The following SPAG16 variants were observed in gnomAD, a reference collection of about 807,000 sequenced individuals.
The protein encoded by SPAG16 is sperm-associated antigen 16 protein.
In SPAG16, 86 loss-of-function variants were observed where a neutral mutation model predicts 80.4. The ratio of observed to expected loss-of-function variants is 1.07; its 90% confidence interval spans 0.90 to 1.28. The LOEUF is 1.28. Ranked by LOEUF, SPAG16 falls within the 50% of genes most tolerant of loss-of-function variation. The pLI, the probability that SPAG16 is intolerant of heterozygous loss-of-function variation, is 0.00. For synonymous variants in SPAG16, 294 were observed against 265.9 expected (o/e 1.11, Z -1.03); for missense variants, 870 against 765.3 (o/e 1.14, Z -1.61).
chr2:213,299,271 T>TCGCAA (rs2062626549), intron 3 of SPAG16, among the ~76,000 whole-genome samples: 12 of 152,076 alleles, frequency 7.9e-5, no homozygotes, highest in Admixed American at 7.9e-4. Context: ...TATTGAATAG[T>TCGCAA]TGACATTTAA....
At chr2:213,860,862 G>A (rs2075425019) in intron 10 of SPAG16, among the ~76,000 whole-genome samples, 1 of 152,130 alleles carries the variant, frequency 6.6e-6, no homozygotes, top group Non-Finnish European at 1.5e-5. Flanking sequence ...AAAGCTGTGA[G>A]CCAACATACA....
Position 214,302,571 on chromosome 2 carries a change from C to T in SPAG16, c.1721-107569C>T, listed in dbSNP as rs1387995659. Among the ~76,000 whole-genome samples the T allele has an allele frequency of 2.0e-5, 3 of 152,180 alleles. No individual in the cohort carries two copies. The East Asian group carries it at 5.8e-4, about 29-fold the overall frequency. ...TCTCAGCTCACTACAACCTCTGCCT[C>T]CTGGGTTCAAGCGATTCTCCTGCCT... On this transcript the variant is annotated intron_variant, in intron 15 of 15. Coordinates refer to ENST00000331683, the MANE Select transcript of SPAG16 (RefSeq NM_024532.5).
chr2:214,018,073 G>T (rs188205283), intron 13 of SPAG16, among the ~76,000 whole-genome samples: 181 of 151,784 alleles, frequency 1.2e-3, no homozygotes, highest in African/African-American at 4.3e-3. Flanking sequence ...TAAAAAACTG[G>T]CATATAATGC....
intron 10 of SPAG16, among the ~76,000 whole-genome samples, chr2:213,563,523 C>A (rs1057377790): frequency 6.6e-6 from 1 of 152,224 alleles, no homozygotes; most frequent in African/African-American, 2.4e-5. Flanking sequence ...TTACTGCCTT[C>A]TTTCTGGGCT....
chr2:213,995,890 T>A (rs2046492369), intron 12 of SPAG16, among the ~76,000 whole-genome samples: 1 of 152,198 alleles, frequency 6.6e-6, no homozygotes, highest in South Asian at 2.1e-4. Flanking sequence ...TGATACTAAA[T>A]TCTTTCCTTC....
intron 10 of SPAG16, among the ~76,000 whole-genome samples, chr2:213,767,638 AAAG>A (rs1276093165): frequency 4.8e-5 from 7 of 144,534 alleles, no homozygotes; most frequent in Non-Finnish European, 9.0e-5. Flanking sequence ...TTTGAAAAAA[AAAG>A]AGAACAACAT....
rs549286873 is a variant in SPAG16 at position 213,901,267 on chromosome 2, AAAG to A, written c.1215-28689_1215-28687del. On this transcript the variant is annotated intron_variant, in intron 11 of 15. Transcript: ENST00000331683. ...GCCTAAGTATCGTAGCAGCCTACAA[AAAG>A]AAGGAGGCTTAGTCAGCTATGTGAT... Among the ~76,000 whole-genome samples the A allele has an allele frequency of 6.6e-5, 10 of 152,298 alleles. No homozygotes were observed. The South Asian group carries it at 2.1e-3, about 32-fold the overall frequency.
intron 10 of SPAG16, among the ~76,000 whole-genome samples, chr2:213,590,740 G>A (rs138332380): frequency 0.014 from 2,134 of 152,258 alleles, 20 homozygotes; most frequent in Non-Finnish European, 0.022. Flanking sequence ...AAGCAGTTTG[G>A]AGATTTCTCA....
intron 9 of SPAG16, among the ~76,000 whole-genome samples, chr2:213,440,015 T>C (rs1036375738): frequency 1.3e-5 from 2 of 152,186 alleles, no homozygotes; most frequent in African/African-American, 4.8e-5. Flanking sequence ...AAATCCACCA[T>C]AATCAGGAGT....
chr2:214,332,338 T>G (rs1208215327), intron 15 of SPAG16, among the ~76,000 whole-genome samples: 3 of 152,108 alleles, frequency 2.0e-5, no homozygotes, highest in Non-Finnish European at 2.9e-5. Context: ...TGACCCAACG[T>G]TGGTTTCTTT....
chr2:213,553,199 C>A (rs1201257252), intron 10 of SPAG16, among the ~76,000 whole-genome samples: 1 of 152,184 alleles, frequency 6.6e-6, no homozygotes, highest in Non-Finnish European at 1.5e-5. Flanking sequence ...TAGCCTTCAT[C>A]TGTCCATACA....
chr2:213,729,903 T>C (rs1245708139), intron 10 of SPAG16, among the ~76,000 whole-genome samples: 1 of 152,194 alleles, frequency 6.6e-6, no homozygotes, highest in Non-Finnish European at 1.5e-5. Flanking sequence ...ATATTTAATG[T>C]CTAGATGAAC....
intron 15 of SPAG16, among the ~76,000 whole-genome samples, chr2:214,402,993 G>A (rs1161724278): frequency 6.7e-6 from 1 of 148,774 alleles, no homozygotes; most frequent in East Asian, 2.0e-4. Flanking sequence ...ATCATGTTGT[G>A]TTTTAGTAAG....
intron 12 of SPAG16, among the ~76,000 whole-genome samples, chr2:213,948,680 GTC>G (rs1489917377): frequency 3.3e-5 from 5 of 152,172 alleles, no homozygotes; most frequent in Admixed American, 3.3e-4. Flanking sequence ...CACCTGATTT[GTC>G]TCTCTCTTTT....
intron 10 of SPAG16, among the ~76,000 whole-genome samples, chr2:213,826,614 T>C (rs1189069334): frequency 6.6e-6 from 1 of 152,040 alleles, no homozygotes; most frequent in Non-Finnish European, 1.5e-5. Context: ...ATGCTTAATA[T>C]TATTTCAACT....
At chr2:214,408,253 A>C (rs927141831) in intron 15 of SPAG16, among the ~76,000 whole-genome samples, 7 of 152,080 alleles carry the variant, frequency 4.6e-5, no homozygotes, top group African/African-American at 7.2e-5. Context: ...GTTTGGTTTC[A>C]CAAATAGAAA....
chr2:213,730,643 G>T (rs772961292), intron 10 of SPAG16, among the ~76,000 whole-genome samples: 7 of 152,116 alleles, frequency 4.6e-5, no homozygotes, highest in Non-Finnish European at 7.4e-5. Context: ...GTTTTCTAAA[G>T]TTTAAATATG....
intron 10 of SPAG16, among the ~76,000 whole-genome samples, chr2:213,693,342 G>A (rs2065024727): frequency 6.6e-6 from 1 of 152,148 alleles, no homozygotes; most frequent in South Asian, 2.1e-4. Flanking sequence ...TAGAGCAAAG[G>A]CGAACATTTA....
At chr2:213,321,909 T>A (rs2063625236) in intron 5 of SPAG16, among the ~76,000 whole-genome samples, 1 of 152,078 alleles carries the variant, frequency 6.6e-6, no homozygotes, top group Non-Finnish European at 1.5e-5. Flanking sequence ...CGTTTTCTAT[T>A]GAAATGTAGA....
Sources: allele counts gnomAD v4.1 joint callset (sites outside exome capture counted in the v4.1 genomes callset), GRCh38; gene constraint gnomAD v4.1.1; transcripts MANE v1.5; gene names NCBI Gene and HGNC (gene_info 2026-07-23, HGNC 2026-07-21).